The following MRPS21 variants were observed in gnomAD, a reference collection of about 807,000 sequenced individuals.
MRPS21 encodes the protein mitochondrial ribosomal protein S21, also known as small ribosomal subunit protein bS21m.
Under a neutral mutation model 9.9 loss-of-function variants are expected in MRPS21, and 8 were observed. That is an observed-to-expected ratio of 0.81 (90% CI 0.47 to 1.45). The LOEUF (loss-of-function observed/expected upper bound fraction) is 1.45. Among genes scored for constraint, MRPS21 ranks in the 40% most tolerant of loss-of-function variants. The pLI, the probability that MRPS21 is intolerant of heterozygous loss-of-function variation, is 0.00. For synonymous variants in MRPS21, 40 were observed against 40.3 expected (o/e 0.99, Z 0.03); for missense variants, 101 against 118.9 (o/e 0.85, Z 0.70).
chr1:150,294,895 T>G (rs147240256), intron 2 of MRPS21, among the ~76,000 whole-genome samples: 1 of 29,192 alleles, frequency 3.4e-5, no homozygotes, highest in African/African-American at 3.5e-4. Context: ...AGACTCTATC[T>G]CAAAAAAAAA....
At chr1:150,297,184 A>G (rs1480075642) in intron 2 of MRPS21, among the ~76,000 whole-genome samples, 2 of 151,920 alleles carry the variant, frequency 1.3e-5, no homozygotes, top group African/African-American at 2.4e-5. Flanking sequence ...CCAGCTACTG[A>G]GGAGGCTGAG....
Position 150,294,432 on chromosome 1 carries a change from A to G in MRPS21, c.66A>G (p.Ala22=), listed in dbSNP as rs1653839294. ...TACAGGAAGGGAACGTGGAAAGCGC[A>G]TACAGGACCCTAAACAGGTAACTGT... The part of the protein sequence containing the change: ...VMVQEGNVES[A]YRTLNRILTM... The change falls in exon 2 of 3, where the codon GCA becomes GCG. Residue 22 remains alanine (A), a synonymous_variant. Transcript: ENST00000614145. The G allele has an allele frequency of 6.2e-7, 1 of 1,613,444 alleles. No homozygotes were observed. The highest frequency in any genetic ancestry group is 8.5e-7 in the Non-Finnish European group (1 of 1,179,470).
chr1:150,305,864 A>G (rs894529397), intron 2 of MRPS21, among the ~76,000 whole-genome samples: 1 of 123,110 alleles, frequency 8.1e-6, no homozygotes, highest in East Asian at 3.9e-4. Flanking sequence ...AAAGATATAT[A>G]TATAGGGGGC....
At position 150,308,253 on chromosome 1, in the gene MRPS21, C is replaced by T. The variant is rs202148475; in HGVS notation, c.*25C>T. The T allele has an allele frequency of 4.1e-5, 65 of 1,568,482 alleles. No homozygotes were observed. Among genetic ancestry groups the T allele is most frequent in the Middle Eastern group, 1.7e-4 (1 of 5,880 alleles). ...AGGCCTGTGGGTGGGACACCCAGTG[C>T]GAAACCCTCATCCAGTTTTCTCTCC... On this transcript the variant is annotated 3_prime_UTR_variant, in exon 3 of 3. Coordinates refer to ENST00000614145, the MANE Select transcript of MRPS21 (RefSeq NM_031901.6).
At chr1:150,302,014 G>A (rs587685780) in intron 2 of MRPS21, among the ~76,000 whole-genome samples, 20 of 152,288 alleles carry the variant, frequency 1.3e-4, no homozygotes, top group Non-Finnish European at 2.5e-4. Context: ...TCTGACTGAT[G>A]CACTTTTCTG....
intron 2 of MRPS21, among the ~76,000 whole-genome samples, chr1:150,300,938 CT>C (rs1323828122): frequency 5.4e-4 from 82 of 152,220 alleles, no homozygotes; most frequent in African/African-American, 2.0e-3. Context: ...TGGCTCACCC[CT>C]GTAAGCTCAG....
At position 150,308,527 on chromosome 1, in the gene MRPS21, G is replaced by A. The variant is rs1394475639; in HGVS notation, c.*299G>A. On this transcript the variant is annotated 3_prime_UTR_variant, in exon 3 of 3. Transcript: ENST00000614145. ...TGGGTACAGAGTTTCAGTTTGGGCA[G>A]ATGAAAAAGTTCAGGAGACGATGGC... 2.3e-5 allele frequency: 5 copies of A among 213,538 alleles called. No homozygotes were observed. In the East Asian group the frequency reaches 4.8e-4, roughly 20 times the overall value. The allele number at this position is 213,538 out of a possible 1,614,324, so 13.2% of individuals were successfully genotyped here.
At chr1:150,300,083 C>T (rs1196727857) in intron 2 of MRPS21, among the ~76,000 whole-genome samples, 1 of 151,830 alleles carries the variant, frequency 6.6e-6, no homozygotes, top group African/African-American at 2.4e-5. Context: ...TGACTCATGC[C>T]TGTAATCCCA....
At chr1:150,295,644 A>T (rs1653889509) in intron 2 of MRPS21, among the ~76,000 whole-genome samples, 1 of 152,152 alleles carries the variant, frequency 6.6e-6, no homozygotes. Context: ...CAGGCAAAAG[A>T]TGGGAAAGCT....
At chr1:150,306,077 T>G (rs1306837226) in intron 2 of MRPS21, among the ~76,000 whole-genome samples, 1 of 152,206 alleles carries the variant, frequency 6.6e-6, no homozygotes, top group Non-Finnish European at 1.5e-5. Flanking sequence ...TTTAGTGGCT[T>G]AGGCCACTCT....
Position 150,308,160 on chromosome 1 carries a change from A to C in MRPS21, c.196A>C (p.Met66Leu). Residue 66 changes from methionine (M) to leucine (L), a missense_variant, in exon 3 of 3, where the codon ATG becomes CTG. Transcript: ENST00000614145. ...TGAAAGGTGCCGGCGGATCTACAAC[A>C]TGGAAATGGCTCGCAAGATCAACTT... ...SYERCRRIYN[M>L]EMARKINFLM... is the part of the protein sequence containing the mutation. 1 of 1,609,524 alleles carries C rather than the reference A, an allele frequency of 6.2e-7. No individual in the cohort carries two copies. Among genetic ancestry groups the C allele is most frequent in the Non-Finnish European group, 8.5e-7 (1 of 1,176,080 alleles).
At chr1:150,294,297 C>G (rs1216779372) in intron 1 of MRPS21, 38 bp from the exon 2 acceptor site, 28 of 1,417,274 alleles carry the variant, frequency 2.0e-5, no homozygotes, top group Non-Finnish European at 2.7e-5. Flanking sequence ...TTGCGTTTCT[C>G]TTTCTGCTTT....
rs587669984 is a variant in MRPS21, at chr1:150,308,071, T to A, written c.107T>A (p.Ile36Asn). 6.3e-7 allele frequency: 1 copy of A among 1,592,736 alleles called. No individual in the cohort carries two copies. The highest frequency in any genetic ancestry group is 1.1e-5 in the South Asian group (1 of 90,528). The change falls in exon 3 of 3, where the codon ATT (isoleucine) becomes AAT (asparagine). Residue 36 changes from isoleucine (I) to asparagine (N), a missense_variant. Transcript: ENST00000614145. ...AGAATCCTCACTATGGATGGGCTCATTGAGGACATTAAGCATCGGCGGTAT... is the reference window on the plus strand; with the variant it reads ...AGAATCCTCACTATGGATGGGCTCAATGAGGACATTAAGCATCGGCGGTAT... ...LNRILTMDGL[I>N]EDIKHRRYYE...
intron 2 of MRPS21, among the ~76,000 whole-genome samples, chr1:150,303,313 CT>C (rs1218145285): frequency 6.6e-6 from 1 of 152,062 alleles, no homozygotes; most frequent in Admixed American, 6.6e-5. Context: ...CTTTCAGGGG[CT>C]TTTTTCTATA....
chr1:150,307,993 G>A (rs1654404886), intron 2 of MRPS21, 55 bp from the exon 3 acceptor site: 1 of 1,432,594 alleles, frequency 7.0e-7, no homozygotes, highest in Non-Finnish European at 9.4e-7. Context: ...TTATGAAACT[G>A]GAAAAGAATA....
rs1009020532 is a variant in MRPS21 at position 150,305,023 on chromosome 1, G to A, written c.84-3025G>A. On this transcript the variant is annotated intron_variant, in intron 2 of 2. Transcript: ENST00000614145. The stretch of plus-strand genomic sequence containing the variant: ...CATTGCACTCCAGCCTGGGCAACAA[G>A]TGCGCAACTCCGTCTCAAAAGAAAG... 77 of 398,728 alleles carry A rather than the reference G, an allele frequency of 1.9e-4. No individual in the cohort carries two copies. The Admixed American group carries it at 2.2e-3, about 12-fold the overall frequency. 24.7% of individuals were successfully genotyped at this position (398,728 alleles called of 1,614,324 possible).
intron 2 of MRPS21, among the ~76,000 whole-genome samples, chr1:150,307,229 G>A (rs1218892534): frequency 6.6e-6 from 1 of 151,546 alleles, no homozygotes; most frequent in Non-Finnish European, 1.5e-5. Flanking sequence ...TGTATTTTTA[G>A]TAGAGACGGG....
chr1:150,294,586 C>T, intron 2 of MRPS21, 137 bp downstream of exon 2: 1 of 741,108 alleles, frequency 1.3e-6, no homozygotes, highest in Non-Finnish European at 2.3e-6. Flanking sequence ...GTCTCAGCCC[C>T]TCAGTTTATT....
At chr1:150,300,010 C>T (rs1371695218) in intron 2 of MRPS21, among the ~76,000 whole-genome samples, 6 of 152,030 alleles carry the variant, frequency 3.9e-5, no homozygotes, top group African/African-American at 1.4e-4. Flanking sequence ...AAAAACATAC[C>T]ATGAGATTTC....
Sources: gnomAD v4.1 joint callset for allele counts (sites outside exome capture counted in the v4.1 genomes callset) on GRCh38, gnomAD v4.1.1 for gene constraint, MANE v1.5 for transcripts, NCBI Gene and HGNC (gene_info 2026-07-23, HGNC 2026-07-21) for gene names.